The following NCKAP5 variants were observed in gnomAD, a reference collection of about 807,000 sequenced individuals.
NCKAP5 encodes the protein nck-associated protein 5.
A neutral mutation model predicts 167.0 loss-of-function variants in NCKAP5; 92 were observed. The ratio of observed to expected loss-of-function variants is 0.55; its 90% CI spans 0.47 to 0.66. NCKAP5 has a LOEUF of 0.66. Among genes scored for constraint, NCKAP5 ranks in the 30% least tolerant of loss-of-function variants. The pLI is 0.00. For synonymous variants in NCKAP5, 891 were observed against 877.4 expected (o/e 1.02, Z -0.27); for missense variants, 2,378 against 2,315.0 (o/e 1.03, Z -0.56).
the NCKAP5 span, among the ~76,000 whole-genome samples, chr2:133,614,519 C>T: frequency 7.6e-3 from 1,143 of 151,300 alleles, 14 homozygotes; most frequent in African/African-American, 0.025. Flanking sequence ...CCTCAGGAGC[C>T]GATGCAATCA....
At chr2:133,014,796 G>A (rs893320765) in intron 6 of NCKAP5, among the ~76,000 whole-genome samples, 1 of 152,108 alleles carries the variant, frequency 6.6e-6, no homozygotes, top group African/African-American at 2.4e-5. Context: ...GAAATCAGTG[G>A]ATCATGAGAT....
At chr2:132,771,707 C>T (rs1682068713) in intron 16 of NCKAP5, among the ~76,000 whole-genome samples, 1 of 151,182 alleles carries the variant, frequency 6.6e-6, no homozygotes, top group Non-Finnish European at 1.5e-5. Flanking sequence ...GAGTCTCGCT[C>T]TGTCACCCAG....
intron 3 of NCKAP5, among the ~76,000 whole-genome samples, chr2:133,459,245 T>C (rs563027451): frequency 6.6e-6 from 1 of 152,330 alleles, no homozygotes; most frequent in South Asian, 2.1e-4. Context: ...GGGGTCTCAC[T>C]TTGTTGCTCA....
At chr2:132,992,887 G>T (rs1048711113) in intron 7 of NCKAP5, among the ~76,000 whole-genome samples, 1 of 152,202 alleles carries the variant, frequency 6.6e-6, no homozygotes. Context: ...ACATGGGAAA[G>T]AATTCTTACT....
chr2:133,041,644 G>A (rs1312018864), intron 6 of NCKAP5, among the ~76,000 whole-genome samples: 1 of 151,956 alleles, frequency 6.6e-6, no homozygotes, highest in East Asian at 1.9e-4. Flanking sequence ...TTCACAAAAG[G>A]TTGCCTTGCT....
chr2:133,664,563 A>G, the NCKAP5 span, among the ~76,000 whole-genome samples: 2 of 152,140 alleles, frequency 1.3e-5, no homozygotes, highest in African/African-American at 4.8e-5. Context: ...GCAGTGGTGC[A>G]ATCTCGGCTC....
intron 8 of NCKAP5, chr2:132,930,703 A>G (rs1696307008): frequency 6.6e-6 from 1 of 152,136 alleles, no homozygotes; most frequent in Non-Finnish European, 1.5e-5. Flanking sequence ...CAATTCCCAT[A>G]TTAAACCTCC....
chr2:132,868,974 C>A lies in NCKAP5; in HGVS notation c.649G>T (p.Val217Leu). The change falls in exon 10 of 20, where the codon GTA becomes TTA. Residue 217 changes from valine to leucine, a missense_variant and splice_region_variant. Physicochemically the swap from Val to Leu is conservative, Grantham distance 32. This residue lies in a region of NCKAP5 where 1,049 missense variants were observed against 1,023.4 expected (regional missense o/e 1.02). Coordinates refer to ENST00000409261, the MANE Select transcript of NCKAP5 (RefSeq NM_207363.3). ...REQYERCLDE[V>L]ANQVVQALLT... ...AGAGCTTGAACAACTTGGTTGGCTA[C>A]CTTTAAAAAATAAAGAAAAAGTTGT... 6.5e-7 allele frequency: 1 copy of A among 1,539,718 alleles called. No individual in the cohort carries two copies. Among genetic ancestry groups the A allele is most frequent in the Non-Finnish European group, 8.7e-7 (1 of 1,143,234 alleles).
intron 4 of NCKAP5, among the ~76,000 whole-genome samples, chr2:133,225,794 T>TC (rs2150225529): frequency 7.2e-6 from 1 of 139,670 alleles, no homozygotes; most frequent in African/African-American, 2.7e-5. Flanking sequence ...TTTTTTTTTT[T>TC]TTTTTTTTTT....
the NCKAP5 span, among the ~76,000 whole-genome samples, chr2:133,573,950 G>A: frequency 6.6e-6 from 1 of 152,164 alleles, no homozygotes; most frequent in Admixed American, 6.5e-5. Flanking sequence ...CCTGCGAACA[G>A]AGTCTGCCTG....
chr2:133,522,813 C>A (rs1575100983), intron 2 of NCKAP5, among the ~76,000 whole-genome samples: 2 of 152,204 alleles, frequency 1.3e-5, no homozygotes, highest in South Asian at 4.1e-4. Context: ...TATTTACCTG[C>A]ACCTACAAAG....
At chr2:133,148,243 A>G (rs904061394) in intron 5 of NCKAP5, among the ~76,000 whole-genome samples, 7 of 152,114 alleles carry the variant, frequency 4.6e-5, no homozygotes, top group Non-Finnish European at 8.8e-5. Flanking sequence ...TTTCCACTGT[A>G]TCATATCAAC....
chr2:133,005,815 A>T (rs2077946517), intron 6 of NCKAP5, among the ~76,000 whole-genome samples: 1 of 152,216 alleles, frequency 6.6e-6, no homozygotes, highest in South Asian at 2.1e-4. Flanking sequence ...TAGTGAGGAT[A>T]CACCTTAAAT....
intron 5 of NCKAP5, among the ~76,000 whole-genome samples, chr2:133,189,020 A>C (rs1390616706): frequency 1.3e-5 from 2 of 152,172 alleles, no homozygotes; most frequent in Non-Finnish European, 1.5e-5. Flanking sequence ...AAGATCAACA[A>C]AATTGATAGG....
intron 11 of NCKAP5, among the ~76,000 whole-genome samples, chr2:132,840,209 T>C (rs934016582): frequency 4.6e-5 from 7 of 151,636 alleles, no homozygotes; most frequent in Non-Finnish European, 1.0e-4. Context: ...TTTGCCATGA[T>C]ATGCAATTGC....
chr2:133,384,533 A>G (rs543981298), intron 3 of NCKAP5, among the ~76,000 whole-genome samples: 7 of 152,300 alleles, frequency 4.6e-5, no homozygotes, highest in Non-Finnish European at 8.8e-5. Context: ...TGACTTGGCA[A>G]TGCGGGCTCT....
intron 6 of NCKAP5, among the ~76,000 whole-genome samples, chr2:133,050,693 T>G (rs1027958792): frequency 2.0e-5 from 3 of 152,194 alleles, no homozygotes; most frequent in Non-Finnish European, 2.9e-5. Flanking sequence ...TCTACATTTT[T>G]ATATCAAAAT....
intron 8 of NCKAP5, among the ~76,000 whole-genome samples, chr2:132,961,019 T>A (rs897255781): frequency 6.6e-6 from 1 of 152,198 alleles, no homozygotes; most frequent in South Asian, 2.1e-4. Flanking sequence ...TTTGTTTTTT[T>A]AAAATCTTGT....
chr2:132,838,396 C>G (rs1333052864), intron 11 of NCKAP5, among the ~76,000 whole-genome samples: 1 of 152,090 alleles, frequency 6.6e-6, no homozygotes, highest in Non-Finnish European at 1.5e-5. Context: ...CTTTGGGAGG[C>G]CGAGGTGGGT....
Sources: allele counts gnomAD v4.1 joint callset (sites outside exome capture counted in the v4.1 genomes callset), GRCh38; gene constraint gnomAD v4.1.1; regional missense constraint gnomAD v4.1.1; transcripts MANE v1.5; gene names NCBI Gene and HGNC (gene_info 2026-07-23, HGNC 2026-07-21).